Variants in KIRREL3 observed in about 807,000 individuals in gnomAD.
KIRREL3 encodes kirre like nephrin family adhesion molecule 3, also known as kin of IRRE-like protein 3.
A neutral mutation model predicts 89.7 loss-of-function variants in KIRREL3; 36 were observed. The ratio of observed to expected loss-of-function variants is 0.40; its 90% confidence interval spans 0.31 to 0.53. The LOEUF (loss-of-function observed/expected upper bound fraction) is 0.53, where lower values mean the gene tolerates loss of function less well. Among genes scored for constraint, KIRREL3 ranks in the 20% least tolerant of loss-of-function variants. The probability of loss-of-function intolerance (pLI) is 0.49; values close to 1 mark genes in which losing one functional copy is unlikely to be tolerated. For synonymous variants in KIRREL3, 445 were observed against 441.4 expected (o/e 1.01, Z -0.10); for missense variants, 864 against 1,056.6 (o/e 0.82, Z 2.53).
At chr11:126,667,709 A>G (rs1460553305) in intron 1 of KIRREL3, among the ~76,000 whole-genome samples, 7 of 152,144 alleles carry the variant, frequency 4.6e-5, no homozygotes, top group African/African-American at 1.4e-4. Flanking sequence ...TGGGGCCTCA[A>G]TTGGGATATT....
intron 1 of KIRREL3, among the ~76,000 whole-genome samples, chr11:126,881,852 C>T (rs1487108183): frequency 6.6e-6 from 1 of 152,094 alleles, no homozygotes; most frequent in Non-Finnish European, 1.5e-5. Context: ...CCGGCCAATG[C>T]AACTTTAAAA....
chr11:126,823,558 T>C (rs1358306609), intron 1 of KIRREL3, among the ~76,000 whole-genome samples: 3 of 152,132 alleles, frequency 2.0e-5, no homozygotes, highest in Non-Finnish European at 4.4e-5. Context: ...CAGAATCCAT[T>C]TAACTCCAGA....
In KIRREL3 at chr11:126,655,507, G is replaced by C. The variant is rs920218597; in HGVS notation, c.56-92595C>G. Among the ~76,000 whole-genome samples the C allele has an allele frequency of 6.6e-6, 1 of 152,090 alleles. No homozygotes were observed. The highest frequency in any genetic ancestry group is 6.5e-5 in the Admixed American group (1 of 15,274). ...TAAAAATCACTTCACTTGTCAACTCGAAAGCTCTCCCTCCCACCTCAAGTT... is the reference window on the plus strand; with the variant it reads ...TAAAAATCACTTCACTTGTCAACTCCAAAGCTCTCCCTCCCACCTCAAGTT... On this transcript the variant is annotated intron_variant, in intron 1 of 16. Transcript: ENST00000525144. The surrounding 1 kb of genome is among the most constrained non-coding windows in gnomAD (Gnocchi z 5.0).
At chr11:126,927,961 A>C (rs933125273) in intron 1 of KIRREL3, among the ~76,000 whole-genome samples, 1 of 152,198 alleles carries the variant, frequency 6.6e-6, no homozygotes, top group African/African-American at 2.4e-5. Flanking sequence ...TTTTTCATTT[A>C]TAAGTGGAGA....
intron 4 of KIRREL3, among the ~76,000 whole-genome samples, chr11:126,506,696 A>G (rs1212310051): frequency 6.6e-6 from 1 of 152,258 alleles, no homozygotes; most frequent in Non-Finnish European, 1.5e-5. Flanking sequence ...TTATGTAGCC[A>G]TTCCACTACT....
At position 126,627,934 on chromosome 11, in the gene KIRREL3, T is replaced by C. The variant is rs992453251; in HGVS notation, c.56-65022A>G. On this transcript the variant is annotated intron_variant, in intron 1 of 16. Transcript: ENST00000525144. This position sits in a 1 kb window ranked among gnomAD's most constrained non-coding sequence, Gnocchi z 5.0. ...TTGGGAGACCCACATCTTCATTCTG[T>C]CTCTCCCACCACCGAGCAAGGCTCG... 6.6e-6 allele frequency among the ~76,000 whole-genome samples: 1 copy of C among 152,078 alleles called. No individual in the cohort carries two copies. Among genetic ancestry groups the C allele is most frequent in the Non-Finnish European group, 1.5e-5 (1 of 68,014 alleles).
intron 5 of KIRREL3, among the ~76,000 whole-genome samples, chr11:126,465,439 C>T (rs747697710): frequency 9.2e-5 from 14 of 152,150 alleles, no homozygotes; most frequent in Non-Finnish European, 1.5e-4. Flanking sequence ...CGGTGGGTAC[C>T]GTGCTCTTGG....
chr11:126,654,701 A>C (rs1945055391), intron 1 of KIRREL3, among the ~76,000 whole-genome samples: 1 of 152,324 alleles, frequency 6.6e-6, no homozygotes, highest in Admixed American at 6.5e-5. Flanking sequence ...CACAGCCGAC[A>C]TCGTGAGAGG....
chr11:126,562,889 A>G lies in KIRREL3; in HGVS notation c.79T>C (p.Cys27Arg). 1 of 1,613,824 alleles carries G rather than the reference A, an allele frequency of 6.2e-7. No individual in the cohort carries two copies. Among genetic ancestry groups the G allele is most frequent in the Non-Finnish European group, 8.5e-7 (1 of 1,179,792 alleles). The change falls in exon 2 of 17, where the codon TGC (cysteine) becomes CGC (arginine). Residue 27 changes from cysteine (C) to arginine (R), a missense_variant. Transcript: ENST00000525144. The surrounding 1 kb of genome is among the most constrained non-coding windows in gnomAD (Gnocchi z 4.7). ...SQELGLQKRG[C>R]CLVLGYMAKD... ...GCCATGTAGCCCAGCACCAGACAGC[A>G]TCCTCTCTTCTGGAGGCCCAGCTCT...
chr11:126,907,904 A>C (rs1457487147), intron 1 of KIRREL3, among the ~76,000 whole-genome samples: 1 of 152,004 alleles, frequency 6.6e-6, no homozygotes, highest in East Asian at 1.9e-4. Flanking sequence ...CTCTGCCTGG[A>C]ATGCTCTTCC....
At chr11:126,799,106 A>G (rs1301788213) in intron 1 of KIRREL3, among the ~76,000 whole-genome samples, 1 of 145,128 alleles carries the variant, frequency 6.9e-6, no homozygotes, top group African/African-American at 2.6e-5. Flanking sequence ...CTGTGCGTGG[A>G]TGTGTGTATC....
Position 126,904,800 on chromosome 11 carries a change from G to A in KIRREL3, c.55+95655C>T, listed in dbSNP as rs973374001. ...TCAATATTTGTAGCATTCTCTTTGC[G>A]TCTGTAAGCATCAATGCTATTCCTC... is the stretch of plus-strand genomic sequence containing the variant. On this transcript the variant is annotated intron_variant, in intron 1 of 16. Coordinates refer to ENST00000525144, the MANE Select transcript of KIRREL3 (RefSeq NM_032531.4). The surrounding 1 kb of genome is among the most constrained non-coding windows in gnomAD (Gnocchi z 4.4). Among the ~76,000 whole-genome samples, 11 of 152,102 alleles carry A rather than the reference G, an allele frequency of 7.2e-5. No homozygotes were observed. Among genetic ancestry groups the A allele is most frequent in the Non-Finnish European group, 1.3e-4 (9 of 68,032 alleles).
chr11:126,505,308 A>G (rs7106305), intron 4 of KIRREL3, among the ~76,000 whole-genome samples: 56,522 of 152,138 alleles, frequency 0.37, 11,463 homozygotes, highest in African/African-American at 0.52. Flanking sequence ...AGTGGCTCAC[A>G]CTTGTAATTC....
chr11:126,798,382 A>G (rs575012352), intron 1 of KIRREL3, among the ~76,000 whole-genome samples: 1 of 152,002 alleles, frequency 6.6e-6, no homozygotes, highest in Non-Finnish European at 1.5e-5. Flanking sequence ...CAGGGCATTG[A>G]GTATCCAGTG....
In KIRREL3 at chr11:126,965,179, A is replaced by G. The variant is rs1949226994; in HGVS notation, c.55+35276T>C. On this transcript the variant is annotated intron_variant, in intron 1 of 16. Transcript: ENST00000525144. The surrounding 1 kb of genome is among the most constrained non-coding windows in gnomAD (Gnocchi z 4.4). ...GCTCTGGGGATGAGCAAAGGTCTACAGAACAGTGTCTTAATTAACATTCCT... is the reference window on the plus strand; with the variant it reads ...GCTCTGGGGATGAGCAAAGGTCTACGGAACAGTGTCTTAATTAACATTCCT... 6.6e-6 allele frequency among the ~76,000 whole-genome samples: 1 copy of G among 152,242 alleles called. No homozygotes were observed. The highest frequency in any genetic ancestry group is 1.5e-5 in the Non-Finnish European group (1 of 68,044).
rs181013648 is a variant in KIRREL3, at chr11:126,764,663, G to A, written c.56-201751C>T. On this transcript the variant is annotated intron_variant, in intron 1 of 16. Coordinates refer to ENST00000525144, the MANE Select transcript of KIRREL3 (RefSeq NM_032531.4). This position sits in a 1 kb window ranked among gnomAD's most constrained non-coding sequence, Gnocchi z 4.2. ...TAATCTTTGGTTAGCACATGCACACGTGGGCACGTGCAAACTCTCTCAGTG... is the reference window on the plus strand; with the variant it reads ...TAATCTTTGGTTAGCACATGCACACATGGGCACGTGCAAACTCTCTCAGTG... Among the ~76,000 whole-genome samples the A allele has an allele frequency of 6.6e-6, 1 of 152,296 alleles. No homozygotes were observed. The highest frequency in any genetic ancestry group is 1.9e-4 in the East Asian group (1 of 5,186).
Position 126,628,373 on chromosome 11 carries a change from C to G in KIRREL3, c.56-65461G>C, listed in dbSNP as rs1215697624. Among the ~76,000 whole-genome samples, 1 of 152,154 alleles carries G rather than the reference C, an allele frequency of 6.6e-6. No homozygotes were observed. Among genetic ancestry groups the G allele is most frequent in the African/African-American group, 2.4e-5 (1 of 41,440 alleles). The stretch of plus-strand genomic sequence containing the variant: ...CCTTCCAGGCTGTGGAGGCAGGGAG[C>G]TGACTTCACAGTGACTGAGGAGACA... On this transcript the variant is annotated intron_variant, in intron 1 of 16. Coordinates refer to ENST00000525144, the MANE Select transcript of KIRREL3 (RefSeq NM_032531.4). The surrounding 1 kb of genome is among the most constrained non-coding windows in gnomAD (Gnocchi z 5.2).
chr11:126,948,091 T>G lies in KIRREL3; in HGVS notation c.55+52364A>C, dbSNP rs949056942. ...AAATTGTTCATTAAAATACATATTATTGGATGTTAAACTACCGTGTAATTG... is the reference window on the plus strand; with the variant it reads ...AAATTGTTCATTAAAATACATATTAGTGGATGTTAAACTACCGTGTAATTG... On this transcript the variant is annotated intron_variant, in intron 1 of 16. Transcript: ENST00000525144. The surrounding 1 kb of genome is among the most constrained non-coding windows in gnomAD (Gnocchi z 4.5). Among the ~76,000 whole-genome samples the G allele has an allele frequency of 6.6e-6, 1 of 152,220 alleles. No individual in the cohort carries two copies. Among genetic ancestry groups the G allele is most frequent in the Non-Finnish European group, 1.5e-5 (1 of 68,036 alleles).
In KIRREL3 at chr11:126,943,017, A is replaced by G. The variant is rs1418848633; in HGVS notation, c.55+57438T>C. Among the ~76,000 whole-genome samples the G allele has an allele frequency of 2.0e-5, 3 of 152,220 alleles. No homozygotes were observed. The highest frequency in any genetic ancestry group is 4.4e-5 in the Non-Finnish European group (3 of 68,032). On this transcript the variant is annotated intron_variant, in intron 1 of 16. Coordinates refer to ENST00000525144, the MANE Select transcript of KIRREL3 (RefSeq NM_032531.4). This position sits in a 1 kb window ranked among gnomAD's most constrained non-coding sequence, Gnocchi z 4.2. ...ATATGACTGTGGAGAGGAACATTAA[A>G]AGATTTTATTCTAAGATATTCCCTC...
Sources: gnomAD v4.1 joint callset for allele counts (sites outside exome capture counted in the v4.1 genomes callset) on GRCh38, gnomAD v4.1.1 for gene constraint, Gnocchi (gnomAD v3.1) non-coding constraint, MANE v1.5 for transcripts, NCBI Gene and HGNC (gene_info 2026-07-23, HGNC 2026-07-21) for gene names.